ANKRD6: variants seen among roughly 807,000 people sequenced by gnomAD.
ANKRD6 encodes the protein ankyrin repeat domain 6.
Under a neutral mutation model 82.3 loss-of-function variants are expected in ANKRD6, and 56 were observed. The observed-to-expected ratio is 0.68, with a 90% CI of 0.55 to 0.85. ANKRD6 has a LOEUF of 0.85. ANKRD6 is among the 40% of genes least tolerant of loss of function. The pLI is 0.00. For missense variants in ANKRD6, 852 were observed against 907.6 expected (o/e 0.94, Z 0.79); for synonymous variants, 347 against 352.1 (o/e 0.99, Z 0.16).
At chr6:89,573,583 A>G (rs1413595371) in intron 2 of ANKRD6, among the ~76,000 whole-genome samples, 1 of 152,170 alleles carries the variant, frequency 6.6e-6, no homozygotes, top group African/African-American at 2.4e-5. Flanking sequence ...ATGTCACTCT[A>G]ACTTTGATAC....
At chr6:89,487,501 C>G (rs1777510085) in intron 1 of ANKRD6, among the ~76,000 whole-genome samples, 1 of 152,202 alleles carries the variant, frequency 6.6e-6, no homozygotes, top group Admixed American at 6.5e-5. Context: ...CTCCTACCAA[C>G]TTTTCTCAGC....
chr6:89,515,475 G>T (rs1998481), intron 1 of ANKRD6, among the ~76,000 whole-genome samples: 6 of 152,284 alleles, frequency 3.9e-5, no homozygotes, highest in Admixed American at 3.9e-4. Context: ...GAGCTTTTCT[G>T]GTTGTTACTG....
chr6:89,435,552 A>G (rs561687393), intron 1 of ANKRD6, among the ~76,000 whole-genome samples: 1 of 152,252 alleles, frequency 6.6e-6, no homozygotes, highest in Non-Finnish European at 1.5e-5. Flanking sequence ...GATACAAACC[A>G]CAAAAAAGCC....
intron 1 of ANKRD6, among the ~76,000 whole-genome samples, chr6:89,524,021 C>T (rs1782172853): frequency 6.6e-6 from 1 of 151,926 alleles, no homozygotes; most frequent in Admixed American, 6.6e-5. Flanking sequence ...TGGTTTTCAC[C>T]CTAGGCCAGG....
intron 1 of ANKRD6, among the ~76,000 whole-genome samples, chr6:89,481,718 G>A (rs7750856): frequency 6.6e-6 from 1 of 151,920 alleles, no homozygotes; most frequent in African/African-American, 2.4e-5. Flanking sequence ...CTGGTGGTAC[G>A]GCTGGCAGTG....
At chr6:89,515,881 C>T (rs963389061) in intron 1 of ANKRD6, among the ~76,000 whole-genome samples, 2 of 152,174 alleles carry the variant, frequency 1.3e-5, no homozygotes, top group Admixed American at 1.3e-4. Context: ...GGAAATTAGA[C>T]AGAGACGCAC....
At chr6:89,594,628 C>T (rs1795516893) in intron 2 of ANKRD6, among the ~76,000 whole-genome samples, 2 of 152,106 alleles carry the variant, frequency 1.3e-5, no homozygotes, top group East Asian at 1.9e-4. Context: ...GAGTTGTTCA[C>T]GAGGAATGTC....
At chr6:89,450,362 T>C (rs1772656607) in intron 1 of ANKRD6, among the ~76,000 whole-genome samples, 1 of 151,452 alleles carries the variant, frequency 6.6e-6, no homozygotes, top group South Asian at 2.1e-4. Flanking sequence ...ATTGTTGTCT[T>C]TATGAAATTG....
intron 1 of ANKRD6, among the ~76,000 whole-genome samples, chr6:89,544,528 C>T (rs1190257741): frequency 4.6e-5 from 7 of 152,074 alleles, no homozygotes; most frequent in Non-Finnish European, 1.0e-4. Context: ...TCCTGGCTAG[C>T]ACGGTGAAAC....
At chr6:89,597,727 G>C (rs1267623905) in intron 3 of ANKRD6, among the ~76,000 whole-genome samples, 1 of 152,116 alleles carries the variant, frequency 6.6e-6, no homozygotes, top group African/African-American at 2.4e-5. Flanking sequence ...GTATTTTCTT[G>C]CATCTTTTCC....
chr6:89,580,078 G>A (rs1439992843), intron 2 of ANKRD6, among the ~76,000 whole-genome samples: 2 of 152,174 alleles, frequency 1.3e-5, no homozygotes. Context: ...GGGAATTTTG[G>A]GTGGGGGTGA....
chr6:89,512,366 T>A (rs1583012443), intron 1 of ANKRD6, among the ~76,000 whole-genome samples: 2 of 152,352 alleles, frequency 1.3e-5, no homozygotes, highest in Non-Finnish European at 2.9e-5. Flanking sequence ...CAGTGTTAAG[T>A]GTCATACAGA....
chr6:89,628,777 C>A (rs9342202), intron 14 of ANKRD6: 203,732 of 246,574 alleles, frequency 0.83, 84,431 homozygotes, highest in East Asian at 0.99. Context: ...TCTCAAAAAA[C>A]AAACAAACAA....
chr6:89,442,636 C>CAAAA (rs59245345), intron 1 of ANKRD6, among the ~76,000 whole-genome samples: 9 of 97,460 alleles, frequency 9.2e-5, no homozygotes, highest in East Asian at 9.2e-4. Context: ...AACCCTGTCT[C>CAAAA]AAAAAAAAAA....
intron 1 of ANKRD6, among the ~76,000 whole-genome samples, chr6:89,487,613 C>A (rs950981102): frequency 6.6e-6 from 1 of 152,174 alleles, no homozygotes; most frequent in African/African-American, 2.4e-5. Flanking sequence ...TGTTCTGGGG[C>A]AAGCATTATT....
intron 2 of ANKRD6, 51 bp from the exon 3 acceptor site, chr6:89,595,865 G>C: frequency 6.9e-7 from 1 of 1,444,486 alleles, no homozygotes; most frequent in Non-Finnish European, 9.6e-7. Context: ...TCTCCCAAGG[G>C]AGTAGCATTG....
intron 3 of ANKRD6, among the ~76,000 whole-genome samples, chr6:89,597,310 A>G (rs971112521): frequency 7.2e-5 from 11 of 152,236 alleles, no homozygotes; most frequent in African/African-American, 2.4e-4. Flanking sequence ...ATTCTCAACT[A>G]TATCATATCC....
chr6:89,606,192 G>GA (rs1798575754), intron 5 of ANKRD6, 87 bp downstream of exon 5: 2 of 1,099,350 alleles, frequency 1.8e-6, no homozygotes, highest in Non-Finnish European at 1.3e-6. Context: ...CTTCCAGTGA[G>GA]AAGAGTGAGA....
At position 89,534,072 on chromosome 6, in the gene ANKRD6, A is replaced by T. The variant is rs114921981; in HGVS notation, c.-143-32762A>T. On this transcript the variant is annotated intron_variant, in intron 1 of 15. Transcript: ENST00000339746. ...GTTAAATTACAAACTAATTCCCCAG[A>T]TGATGGGATAAGTTATTTTTTTCTC... is the stretch of plus-strand genomic sequence containing the variant. 6.1e-3 allele frequency among the ~76,000 whole-genome samples: 931 copies of T among 152,332 alleles called. 20 individuals are homozygous for T. The highest frequency in any genetic ancestry group is 0.021 in the African/African-American group (877 of 41,574).
Sources: allele counts gnomAD v4.1 joint callset (sites outside exome capture counted in the v4.1 genomes callset), GRCh38; gene constraint gnomAD v4.1.1; transcripts MANE v1.5; gene names NCBI Gene and HGNC (gene_info 2026-07-23, HGNC 2026-07-21).